SLC6A11: variants seen among roughly 807,000 people sequenced by gnomAD.
SLC6A11 encodes the protein sodium- and chloride-dependent GABA transporter 3.
In SLC6A11, 25 loss-of-function variants were observed where a neutral mutation model predicts 74.8. That is an observed-to-expected ratio of 0.33 (90% CI 0.24 to 0.47). SLC6A11 has a LOEUF of 0.47. SLC6A11 is among the 20% of genes least tolerant of loss of function. SLC6A11 has a pLI of 1.00. For synonymous variants in SLC6A11, 330 were observed against 330.2 expected, an observed-to-expected ratio of 1.00 and a Z score of 0.01; for missense variants, 574 against 837.0, an observed-to-expected ratio of 0.69 and a Z score of 3.88.
At chr3:10,882,335 G>A (rs573036636) in intron 6 of SLC6A11, among the ~76,000 whole-genome samples, 9 of 152,216 alleles carry the variant, frequency 5.9e-5, no homozygotes, top group East Asian at 5.8e-4. Context: ...CCGCCCGACC[G>A]GTGCAGTCAC....
At chr3:10,843,427 G>A (rs1361108053) in intron 4 of SLC6A11, among the ~76,000 whole-genome samples, 8 of 152,032 alleles carry the variant, frequency 5.3e-5, no homozygotes, top group Admixed American at 5.2e-4. Context: ...TCTACTTCTG[G>A]CCATGCCGTT....
chr3:10,891,549 T>C (rs959313719), intron 6 of SLC6A11, among the ~76,000 whole-genome samples: 5 of 152,252 alleles, frequency 3.3e-5, no homozygotes, highest in Non-Finnish European at 5.9e-5. Context: ...AGTAAAATTA[T>C]ACTCATGAAG....
At chr3:10,919,690 C>T (rs1342395645) in intron 8 of SLC6A11, among the ~76,000 whole-genome samples, 3 of 152,210 alleles carry the variant, frequency 2.0e-5, no homozygotes, top group East Asian at 3.9e-4. Context: ...GGCGTACAAG[C>T]TAGACCAGAG....
intron 6 of SLC6A11, among the ~76,000 whole-genome samples, chr3:10,898,234 A>G (rs1457714575): frequency 2.0e-5 from 3 of 152,082 alleles, no homozygotes; most frequent in Admixed American, 6.5e-5. Flanking sequence ...CATTTTCCCT[A>G]TTGTTTTGGG....
At chr3:10,904,531 C>A (rs1197211511) in intron 6 of SLC6A11, among the ~76,000 whole-genome samples, 1 of 152,196 alleles carries the variant, frequency 6.6e-6, no homozygotes, top group East Asian at 1.9e-4. Flanking sequence ...GCTACTGACC[C>A]AGCTTCCTTA....
intron 6 of SLC6A11, among the ~76,000 whole-genome samples, chr3:10,909,918 C>T (rs978227759): frequency 1.2e-4 from 19 of 152,204 alleles, no homozygotes; most frequent in Admixed American, 9.8e-4. Flanking sequence ...TAAGCTTCTA[C>T]CATTTCCAAA....
intron 5 of SLC6A11, among the ~76,000 whole-genome samples, chr3:10,861,835 A>T (rs1030953330): frequency 6.6e-6 from 1 of 152,178 alleles, no homozygotes; most frequent in African/African-American, 2.4e-5. Context: ...TGAAAGGAGC[A>T]TGTTGCAACC....
chr3:10,881,912 C>T (rs947496293), intron 6 of SLC6A11, among the ~76,000 whole-genome samples: 14 of 152,188 alleles, frequency 9.2e-5, no homozygotes, highest in African/African-American at 3.4e-4. Context: ...TGCCTATTTG[C>T]TGTGTCATTT....
At chr3:10,881,310 G>A (rs1694972546) in intron 6 of SLC6A11, among the ~76,000 whole-genome samples, 1 of 152,212 alleles carries the variant, frequency 6.6e-6, no homozygotes, top group African/African-American at 2.4e-5. Flanking sequence ...CAGCTACTCT[G>A]GAGGCTGAGG....
At chr3:10,843,135 G>A (rs937560306) in intron 4 of SLC6A11, among the ~76,000 whole-genome samples, 18 of 152,106 alleles carry the variant, frequency 1.2e-4, no homozygotes, top group Admixed American at 7.9e-4. Flanking sequence ...AATATGGAGC[G>A]TGGCGAGTTT....
At chr3:10,836,551 T>C (rs7623209) in intron 4 of SLC6A11, among the ~76,000 whole-genome samples, 2,743 of 152,318 alleles carry the variant, frequency 0.018, 70 homozygotes, top group African/African-American at 0.062. Flanking sequence ...TCCTAGTAGG[T>C]GTGAAGTGGT....
At chr3:10,875,557 C>T (rs1320736506) in intron 6 of SLC6A11, among the ~76,000 whole-genome samples, 4 of 152,272 alleles carry the variant, frequency 2.6e-5, no homozygotes, top group African/African-American at 9.6e-5. Flanking sequence ...ATTACTGCCC[C>T]AAATCACAGA....
intron 10 of SLC6A11, among the ~76,000 whole-genome samples, chr3:10,932,557 G>A (rs1047315107): frequency 6.6e-6 from 1 of 152,184 alleles, no homozygotes; most frequent in African/African-American, 2.4e-5. Context: ...TCTGAGCTTT[G>A]AAGGAGCTTA....
chr3:10,821,525 C>T (rs574543942), intron 3 of SLC6A11, among the ~76,000 whole-genome samples: 1 of 152,138 alleles, frequency 6.6e-6, no homozygotes, highest in Non-Finnish European at 1.5e-5. Context: ...AGGAATAAAC[C>T]ACCTGAACTC....
chr3:10,926,542 G>A lies in SLC6A11; in HGVS notation c.1233+426G>A, dbSNP rs1559586316. 6.6e-6 allele frequency among the ~76,000 whole-genome samples: 1 copy of A among 151,986 alleles called. No individual in the cohort carries two copies. The highest frequency in any genetic ancestry group is 2.4e-5 in the African/African-American group (1 of 41,350). ...ATCCCAACCCAATCATTGAGGACAC[G>A]GACACATAGAAAAGCACCTCCTCTT... On this transcript the variant is annotated intron_variant, in intron 9 of 13. Transcript: ENST00000254488. The surrounding 1 kb of genome is among the most constrained non-coding windows in gnomAD (Gnocchi z 5.7).
At chr3:10,876,975 C>T (rs1238521690) in intron 6 of SLC6A11, among the ~76,000 whole-genome samples, 2 of 152,026 alleles carry the variant, frequency 1.3e-5, no homozygotes, top group Non-Finnish European at 2.9e-5. Flanking sequence ...GTTCCTTCTC[C>T]CTTCCCTCTT....
At chr3:10,889,883 G>C (rs530901657) in intron 6 of SLC6A11, among the ~76,000 whole-genome samples, 2 of 152,150 alleles carry the variant, frequency 1.3e-5, no homozygotes, top group Non-Finnish European at 2.9e-5. Flanking sequence ...ACCTGCCCTC[G>C]CTCCCATGCC....
At chr3:10,823,586 GAA>G in intron 4 of SLC6A11, 194 bp downstream of exon 4, 1 of 551,760 alleles carries the variant, frequency 1.8e-6, no homozygotes, top group Non-Finnish European at 3.3e-6. Flanking sequence ...GCAGCTGAGA[GAA>G]ATGTTTTCTT....
intron 5 of SLC6A11, among the ~76,000 whole-genome samples, chr3:10,854,191 C>A (rs1011280407): frequency 2.0e-5 from 3 of 152,232 alleles, no homozygotes; most frequent in South Asian, 2.1e-4. Flanking sequence ...AGTTCAGGAC[C>A]AGCCTAGCCA....
Sources: gnomAD v4.1 joint callset for allele counts (sites outside exome capture counted in the v4.1 genomes callset) on GRCh38, gnomAD v4.1.1 for gene constraint, Gnocchi (gnomAD v3.1) non-coding constraint, MANE v1.5 for transcripts, NCBI Gene and HGNC (gene_info 2026-07-23, HGNC 2026-07-21) for gene names.